ACOT1: variants seen among roughly 807,000 people sequenced by gnomAD.
ACOT1 encodes the protein acyl-coenzyme A thioesterase 1.
ACOT1 carries 8 observed loss-of-function variants against 15.7 expected under a neutral mutation model. The observed-to-expected ratio is 0.51, with a 90% CI of 0.30 to 0.92. The LOEUF is 0.92. Ranked by LOEUF, ACOT1 falls within the 40% of genes least tolerant of loss-of-function variation. The pLI, the probability that ACOT1 is intolerant of heterozygous loss-of-function variation, is 0.06. For missense variants in ACOT1, 151 were observed against 539.4 expected (o/e 0.28, Z 7.13); for synonymous variants, 67 against 241.2 (o/e 0.28, Z 6.69).
At chr14:73,492,993 T>A in the ACOT1 span, 2 of 1,553,628 alleles carry the variant, frequency 1.3e-6, no homozygotes, top group Non-Finnish European at 8.6e-7. The surrounding 1 kb of genome is among the most constrained non-coding windows in gnomAD (Gnocchi z 4.9). Context: ...CCGCTGCCAC[T>A]GCTACCTTTT....
chr14:73,507,592 C>G, the ACOT1 span, among the ~76,000 whole-genome samples: 7 of 152,124 alleles, frequency 4.6e-5, no homozygotes, highest in East Asian at 1.4e-3. Flanking sequence ...TACCACCATG[C>G]CTGACTAATT....
At chr14:73,506,517 G>T in the ACOT1 span, 11 of 1,613,736 alleles carry the variant, frequency 6.8e-6, no homozygotes, top group Non-Finnish European at 9.3e-6. Flanking sequence ...GCCACAATCC[G>T]GTTCTTCCAT....
the ACOT1 span, among the ~76,000 whole-genome samples, chr14:73,495,909 C>T: frequency 6.6e-6 from 1 of 152,194 alleles, no homozygotes; most frequent in South Asian, 2.1e-4. Flanking sequence ...GGGTGGATCA[C>T]TTGAGGCCAG....
chr14:73,537,369 A>AG lies in ACOT1; in HGVS notation c.-49dup. ...GAGAGGAAGAGTTGGGCAGAGTTGC[A>AG]GGGGTCTCCACAGCTGAGGCAGTTT... On this transcript the variant is annotated 5_prime_UTR_variant, in exon 1 of 3. Transcript: ENST00000311148. 8.3e-7 allele frequency: 1 copy of AG among 1,211,596 alleles called. No individual in the cohort carries two copies. Among genetic ancestry groups the AG allele is most frequent in the Non-Finnish European group, 1.1e-6 (1 of 912,454 alleles). 75.1% of individuals were successfully genotyped at this position (1,211,596 alleles called of 1,614,324 possible).
chr14:73,537,535 G>A lies in ACOT1; in HGVS notation c.114G>A (p.Leu38=). The change falls in exon 1 of 3, where the codon CTG becomes CTA. Residue 38 remains leucine (L), a synonymous_variant. Coordinates refer to ENST00000311148, the MANE Select transcript of ACOT1 (RefSeq NM_001037161.2). ...PEQPVTLRAS[L]RDEKGALFQA... is the part of the protein sequence containing the mutation. ...AGCCGGTCACGCTGCGCGCGTCCCT[G>A]CGCGACGAGAAGGGCGCGCTTTTCC... is the stretch of plus-strand genomic sequence containing the variant. 1 of 1,212,280 alleles carries A rather than the reference G, an allele frequency of 8.2e-7. No homozygotes were observed. The highest frequency in any genetic ancestry group is 1.1e-6 in the Non-Finnish European group (1 of 922,390). The allele number at this position is 1,212,280 out of a possible 1,614,324, so 75.1% of individuals were successfully genotyped here. A position where few individuals can be genotyped will look rare whatever the true frequency, so the allele number is the denominator to read the frequency against.
At chr14:73,507,467 T>C in the ACOT1 span, among the ~76,000 whole-genome samples, 1 of 152,078 alleles carries the variant, frequency 6.6e-6, no homozygotes, top group Non-Finnish European at 1.5e-5. Flanking sequence ...AGGGTCTTGC[T>C]CTGTCGCTCA....
chr14:73,493,151 T>G, the ACOT1 span: 3 of 1,601,806 alleles, frequency 1.9e-6, no homozygotes, highest in East Asian at 2.2e-5. Context: ...AAGGAGAAGT[T>G]GGAGGTGGAA....
chr14:73,492,565 T>C, the ACOT1 span: 1 of 1,613,792 alleles, frequency 6.2e-7, no homozygotes, highest in Non-Finnish European at 8.5e-7. This position sits in a 1 kb window ranked among gnomAD's most constrained non-coding sequence, Gnocchi z 4.9. Context: ...TTTTGACTGA[T>C]AGGGAGAGGG....
chr14:73,493,358 G>C, the ACOT1 span: 1 of 475,566 alleles, frequency 2.1e-6, no homozygotes, highest in Non-Finnish European at 3.8e-6. Context: ...AAATTTGTAT[G>C]AACCTTAGAA....
chr14:73,491,241 T>C, the ACOT1 span: 2 of 1,588,884 alleles, frequency 1.3e-6, no homozygotes. Flanking sequence ...GCCGACGACC[T>C]GGGGGACGCG....
At chr14:73,514,131 C>T in the ACOT1 span, 2 of 1,614,204 alleles carry the variant, frequency 1.2e-6, no homozygotes, top group Admixed American at 1.7e-5. Context: ...TCTTCAATCT[C>T]CTGGTCTTAA....
At chr14:73,499,200 G>T in the ACOT1 span, 4 of 1,445,060 alleles carry the variant, frequency 2.8e-6, no homozygotes, top group Non-Finnish European at 3.9e-6. Context: ...ACCAGAAACA[G>T]CTGGGTGCGG....
At chr14:73,498,845 T>C in the ACOT1 span, among the ~76,000 whole-genome samples, 1 of 152,238 alleles carries the variant, frequency 6.6e-6, no homozygotes, top group Non-Finnish European at 1.5e-5. Flanking sequence ...GGGACTGTCT[T>C]GTCAGCCCTT....
chr14:73,507,633 A>C, the ACOT1 span, among the ~76,000 whole-genome samples: 3 of 151,908 alleles, frequency 2.0e-5, no homozygotes, highest in African/African-American at 7.3e-5. Flanking sequence ...ACAGGGTCTC[A>C]CTATATTGCC....
the ACOT1 span, chr14:73,496,604 G>C: frequency 6.3e-7 from 1 of 1,592,174 alleles, no homozygotes; most frequent in African/African-American, 1.3e-5. Context: ...TATTTACCCT[G>C]TTCTTGATCT....
chr14:73,505,380 GTTTTTTTGTTTTGTT>G, the ACOT1 span, among the ~76,000 whole-genome samples: 4,029 of 151,636 alleles, frequency 0.027, 189 homozygotes, highest in African/African-American at 0.093. Flanking sequence ...TGGGACAATG[GTTTTTTTGTTTTGTT>G]TTTTTTTGTT....
chr14:73,498,483 T>TG, the ACOT1 span: 1 of 685,942 alleles, frequency 1.5e-6, no homozygotes, highest in Admixed American at 2.9e-5. Flanking sequence ...TAGGTCAGAA[T>TG]GGGACATTAC....
chr14:73,511,408 A>G, the ACOT1 span, among the ~76,000 whole-genome samples: 1 of 151,760 alleles, frequency 6.6e-6, no homozygotes, highest in African/African-American at 2.4e-5. Context: ...AGTCCCAGCT[A>G]CTCGGGAGAC....
At chr14:73,514,370 A>C in the ACOT1 span, 1 of 704,708 alleles carries the variant, frequency 1.4e-6, no homozygotes. Context: ...GAATTTCCCC[A>C]TGATTATATG....
Sources: allele counts gnomAD v4.1 joint callset (sites outside exome capture counted in the v4.1 genomes callset), GRCh38; gene constraint gnomAD v4.1.1; non-coding constraint Gnocchi (gnomAD v3.1); transcripts MANE v1.5; gene names NCBI Gene and HGNC (gene_info 2026-07-23, HGNC 2026-07-21).